Variants in ZBTB20 observed in about 807,000 individuals in gnomAD.
The protein encoded by ZBTB20 is zinc finger and BTB domain containing 20.
In ZBTB20, 9 loss-of-function variants were observed where a neutral mutation model predicts 56.9. The ratio of observed to expected loss-of-function variants is 0.16; its 90% CI spans 0.10 to 0.28. ZBTB20 has a LOEUF of 0.28. ZBTB20 is among the 10% of genes least tolerant of loss of function. The pLI is 1.00. For synonymous variants in ZBTB20, 417 were observed against 420.7 expected (o/e 0.99, Z 0.11); for missense variants, 655 against 1,003.0 (o/e 0.65, Z 4.69).
intron 2 of ZBTB20, among the ~76,000 whole-genome samples, chr3:115,036,147 T>C (rs1201142456): frequency 6.6e-6 from 1 of 152,168 alleles, no homozygotes; most frequent in Non-Finnish European, 1.5e-5. Context: ...CTGGAGATAC[T>C]TGGTGGTAAT....
chr3:115,056,881 A>G (rs1299544735), intron 2 of ZBTB20, among the ~76,000 whole-genome samples: 2 of 152,142 alleles, frequency 1.3e-5, no homozygotes, highest in Admixed American at 1.3e-4. Context: ...CTCTTTATTT[A>G]ACCAGAAAAT....
At chr3:114,639,259 T>C (rs957958013) in intron 6 of ZBTB20, among the ~76,000 whole-genome samples, 1 of 151,960 alleles carries the variant, frequency 6.6e-6, no homozygotes, top group Non-Finnish European at 1.5e-5. Flanking sequence ...ACCTTAAACA[T>C]AAGGTGTGAT....
intron 4 of ZBTB20, among the ~76,000 whole-genome samples, chr3:114,847,863 G>A (rs1364448655): frequency 1.3e-5 from 2 of 152,122 alleles, no homozygotes; most frequent in South Asian, 2.1e-4. Flanking sequence ...GACTGAATGC[G>A]TGGCTCACTA....
chr3:114,370,240 A>AT (rs1264324272), intron 10 of ZBTB20, among the ~76,000 whole-genome samples: 15 of 152,204 alleles, frequency 9.9e-5, no homozygotes, highest in Non-Finnish European at 1.9e-4. Flanking sequence ...TCATAAAAAT[A>AT]TTCATTACTC....
In ZBTB20 at chr3:114,855,701, C is replaced by T. The variant is rs1167434845; in HGVS notation, c.-417+44603G>A. On this transcript the variant is annotated intron_variant, in intron 4 of 11. Coordinates refer to ENST00000675478, the MANE Select transcript of ZBTB20 (RefSeq NM_001348800.3). ...ACTACCTCTCCTCATCTGAGGCTTC[C>T]TCCAGAACCCTGTAGGAGAGGAAGA... 2.6e-5 allele frequency among the ~76,000 whole-genome samples: 4 copies of T among 152,128 alleles called. No individual in the cohort carries two copies. In the East Asian group the frequency reaches 5.8e-4, roughly 22 times the overall value.
chr3:114,464,431 G>C (rs1398843558), intron 7 of ZBTB20, among the ~76,000 whole-genome samples: 2 of 152,122 alleles, frequency 1.3e-5, no homozygotes, highest in Non-Finnish European at 2.9e-5. Context: ...GCACAGTGAT[G>C]GTGATGGGGA....
chr3:114,578,852 T>C (rs1345579294), intron 6 of ZBTB20, among the ~76,000 whole-genome samples: 1 of 151,736 alleles, frequency 6.6e-6, no homozygotes, highest in African/African-American at 2.4e-5. Flanking sequence ...AGAATAATGG[T>C]AGGCATAGTA....
chr3:114,697,061 T>TAA (rs35130350), intron 5 of ZBTB20, among the ~76,000 whole-genome samples: 23 of 110,826 alleles, frequency 2.1e-4, no homozygotes, highest in East Asian at 7.3e-4. Flanking sequence ...TGTACTTTGT[T>TAA]AAAAAAAAAA....
intron 6 of ZBTB20, among the ~76,000 whole-genome samples, chr3:114,508,213 C>T (rs749722440): frequency 5.9e-5 from 9 of 152,096 alleles, no homozygotes; most frequent in Non-Finnish European, 1.2e-4. Context: ...CCAAAATGTG[C>T]CCCATATGAT....
intron 5 of ZBTB20, chr3:114,792,015 C>T (rs1205807309): frequency 1.3e-5 from 2 of 152,012 alleles, no homozygotes; most frequent in Admixed American, 6.6e-5. Flanking sequence ...TTAGAGCCAA[C>T]CTGAAGTGTA....
intron 6 of ZBTB20, among the ~76,000 whole-genome samples, chr3:114,610,003 C>G (rs1175821405): frequency 2.0e-5 from 3 of 152,178 alleles, no homozygotes; most frequent in African/African-American, 7.2e-5. Flanking sequence ...CGAGAACTAA[C>G]AAGCTGCCCC....
chr3:114,973,038 A>G (rs1576461691), intron 3 of ZBTB20, among the ~76,000 whole-genome samples: 1 of 152,334 alleles, frequency 6.6e-6, no homozygotes, highest in East Asian at 1.9e-4. Flanking sequence ...AGCTAATAAT[A>G]AAAAGAACAG....
At chr3:114,927,620 C>CAT (rs2076205411) in intron 3 of ZBTB20, among the ~76,000 whole-genome samples, 1 of 152,178 alleles carries the variant, frequency 6.6e-6, no homozygotes, top group South Asian at 2.1e-4. Context: ...TACACTAATG[C>CAT]ATACCACATC....
intron 6 of ZBTB20, chr3:114,687,966 A>G (rs762514778): frequency 2.0e-5 from 3 of 152,216 alleles, no homozygotes; most frequent in Non-Finnish European, 2.9e-5. Context: ...GCGGTGTCTC[A>G]CATCTGTAAT....
chr3:114,389,887 CAAAAAAAAAAA>C (rs34247337), intron 7 of ZBTB20, among the ~76,000 whole-genome samples: 17 of 77,632 alleles, frequency 2.2e-4, no homozygotes, highest in African/African-American at 8.1e-4. Flanking sequence ...GAGTCCATCT[CAAAAAAAAAAA>C]AAAAAAAAAA....
rs1472946611 is a variant in ZBTB20 at position 114,333,029 on chromosome 3, G to C, written c.*5976C>G. On this transcript the variant is annotated 3_prime_UTR_variant, in exon 12 of 12. Coordinates refer to ENST00000675478, the MANE Select transcript of ZBTB20 (RefSeq NM_001348800.3). ...CTACTGTTCCATAACCATTCCCAGGGATCGGCTAAGGTACATTGCTGACTG... is the reference window on the plus strand; with the variant it reads ...CTACTGTTCCATAACCATTCCCAGGCATCGGCTAAGGTACATTGCTGACTG... The C allele has an allele frequency of 6.6e-6, 1 of 152,160 alleles. No homozygotes were observed. Among genetic ancestry groups the C allele is most frequent in the East Asian group, 1.9e-4 (1 of 5,194 alleles). The allele number at this position is 152,160 out of a possible 1,614,324, so 9.4% of individuals were successfully genotyped here.
At chr3:115,138,511 G>A (rs2084715664) in intron 1 of ZBTB20, among the ~76,000 whole-genome samples, 1 of 151,976 alleles carries the variant, frequency 6.6e-6, no homozygotes, top group African/African-American at 2.4e-5. Flanking sequence ...ATTAATCTGG[G>A]CAAGCACTGA....
intron 10 of ZBTB20, among the ~76,000 whole-genome samples, chr3:114,370,266 C>A (rs2082857138): frequency 6.6e-6 from 1 of 152,116 alleles, no homozygotes; most frequent in Non-Finnish European, 1.5e-5. Flanking sequence ...TTGAGTTACC[C>A]ATTCATTATT....
chr3:114,382,647 G>A (rs995798670), intron 8 of ZBTB20, among the ~76,000 whole-genome samples: 2 of 151,990 alleles, frequency 1.3e-5, no homozygotes, highest in South Asian at 4.2e-4. Context: ...TCCTCCCTAG[G>A]TCTTTCTCCG....
Sources: gnomAD v4.1 joint callset for allele counts (sites outside exome capture counted in the v4.1 genomes callset) on GRCh38, gnomAD v4.1.1 for gene constraint, MANE v1.5 for transcripts, NCBI Gene and HGNC (gene_info 2026-07-23, HGNC 2026-07-21) for gene names.